CCDC171: variants seen among roughly 807,000 people sequenced by gnomAD.
CCDC171 encodes the protein coiled-coil domain containing 171.
CCDC171 carries 177 observed loss-of-function variants against 168.2 expected under a neutral mutation model. That is an observed-to-expected ratio of 1.05 (90% confidence interval 0.93 to 1.19). The LOEUF (loss-of-function observed/expected upper bound fraction) is 1.19, where lower values mean the gene tolerates loss of function less well. Ranked by LOEUF, CCDC171 falls within the 50% of genes most tolerant of loss-of-function variation. The pLI is 0.00. For missense variants in CCDC171, 1,991 were observed against 1,539.0 expected, an observed-to-expected ratio of 1.29 and a Z score of -4.91; for synonymous variants, 687 against 540.8, an observed-to-expected ratio of 1.27 and a Z score of -3.75.
intron 11 of CCDC171, among the ~76,000 whole-genome samples, chr9:15,711,837 A>C (rs182098375): frequency 1.3e-5 from 2 of 152,132 alleles, no homozygotes; most frequent in Admixed American, 1.3e-4. Context: ...TTCTTTTTCT[A>C]TCTGGTCACA....
At chr9:15,619,772 C>G (rs2044364830) in intron 6 of CCDC171, among the ~76,000 whole-genome samples, 1 of 152,124 alleles carries the variant, frequency 6.6e-6, no homozygotes, top group African/African-American at 2.4e-5. Flanking sequence ...TGTTTCAGAG[C>G]TAGAGAGGAG....
intron 23 of CCDC171, among the ~76,000 whole-genome samples, chr9:15,856,218 T>C (rs545498296): frequency 6.5e-4 from 99 of 152,080 alleles, no homozygotes; most frequent in African/African-American, 2.3e-3. Flanking sequence ...CTTAATGGAT[T>C]TTTCGTATGC....
intron 24 of CCDC171, among the ~76,000 whole-genome samples, chr9:15,910,664 T>C (rs967976103): frequency 3.3e-5 from 5 of 152,116 alleles, no homozygotes; most frequent in Non-Finnish European, 5.9e-5. Context: ...ATCACCTACA[T>C]TAGGTATTTC....
intron 3 of CCDC171, among the ~76,000 whole-genome samples, chr9:16,010,749 TA>T (rs78310900): frequency 2.7e-5 from 4 of 148,234 alleles, no homozygotes; most frequent in South Asian, 2.1e-4. Context: ...AACAGTTTAT[TA>T]AAAAAAAAAA....
chr9:16,060,117 G>A (rs1833908840), intron 1 of CCDC171, among the ~76,000 whole-genome samples: 2 of 152,180 alleles, frequency 1.3e-5, no homozygotes. Flanking sequence ...ATTTAATTGT[G>A]TATTAGTTTT....
chr9:15,651,873 A>C (rs1002125718), intron 7 of CCDC171, among the ~76,000 whole-genome samples: 2 of 152,096 alleles, frequency 1.3e-5, no homozygotes, highest in Non-Finnish European at 2.9e-5. Flanking sequence ...TGCTTTTGCT[A>C]TCTGAGAATC....
chr9:15,662,249 C>G (rs1441075092), intron 8 of CCDC171, among the ~76,000 whole-genome samples: 1 of 152,166 alleles, frequency 6.6e-6, no homozygotes, highest in Non-Finnish European at 1.5e-5. Context: ...TGCACTCCAG[C>G]CTGGGTGACA....
chr9:16,025,257 C>T (rs2133031301), intron 6 of CCDC171, among the ~76,000 whole-genome samples: 1 of 152,248 alleles, frequency 6.6e-6, no homozygotes, highest in East Asian at 1.9e-4. Flanking sequence ...GCCTGGCCAA[C>T]ATGGTAAAAT....
intron 6 of CCDC171, among the ~76,000 whole-genome samples, chr9:15,600,827 C>T (rs2042788033): frequency 6.6e-6 from 1 of 152,216 alleles, no homozygotes; most frequent in African/African-American, 2.4e-5. Flanking sequence ...ACTCAAGCCT[C>T]CACAATGGCG....
downstream of CCDC171, chr9:16,061,436 G>A (rs563022038): frequency 5.9e-5 from 9 of 152,226 alleles, no homozygotes; most frequent in East Asian, 1.7e-3. Flanking sequence ...TTCTAATAGT[G>A]TTGTGATTTT....
chr9:16,034,446 T>C (rs575280461), intron 6 of CCDC171, among the ~76,000 whole-genome samples: 2 of 152,304 alleles, frequency 1.3e-5, no homozygotes, highest in South Asian at 4.1e-4. Flanking sequence ...TACTTCATTG[T>C]GGGAAGGGAG....
downstream of CCDC171, among the ~76,000 whole-genome samples, chr9:15,976,398 T>C (rs1831620772): frequency 6.6e-6 from 1 of 152,146 alleles, no homozygotes; most frequent in African/African-American, 2.4e-5. Flanking sequence ...ACAGTGATTA[T>C]ATTGGGCCAG....
At chr9:15,929,768 G>A (rs1826290099) in intron 25 of CCDC171, among the ~76,000 whole-genome samples, 1 of 151,572 alleles carries the variant, frequency 6.6e-6, no homozygotes, top group Admixed American at 6.6e-5. Context: ...ACACAGATAT[G>A]GTCAGGTCAT....
chr9:15,668,140 T>G (rs554443480), intron 9 of CCDC171, among the ~76,000 whole-genome samples: 1 of 152,314 alleles, frequency 6.6e-6, no homozygotes, highest in African/African-American at 2.4e-5. Context: ...TAATTAAAGC[T>G]TTCTAGCAAT....
At chr9:15,717,004 A>C (rs2053132569) in intron 11 of CCDC171, among the ~76,000 whole-genome samples, 1 of 152,216 alleles carries the variant, frequency 6.6e-6, no homozygotes, top group Non-Finnish European at 1.5e-5. Flanking sequence ...GTAGGCAAAA[A>C]AAACCACCTT....
chr9:15,802,774 G>C (rs1269223403), intron 21 of CCDC171, among the ~76,000 whole-genome samples: 3 of 152,178 alleles, frequency 2.0e-5, no homozygotes, highest in Non-Finnish European at 2.9e-5. Context: ...TATGTACCCA[G>C]TAATGAGACT....
intron 21 of CCDC171, among the ~76,000 whole-genome samples, chr9:15,785,005 CTT>C: frequency 6.6e-6 from 1 of 152,032 alleles, no homozygotes; most frequent in East Asian, 1.9e-4. Context: ...TTCTTCCTCT[CTT>C]TAGAATTTTC....
the CCDC171 span, among the ~76,000 whole-genome samples, chr9:16,093,800 A>G: frequency 2.0e-5 from 3 of 152,186 alleles, no homozygotes; most frequent in Admixed American, 1.3e-4. Context: ...CTCAGCCTCT[A>G]GCAGTCGGCA....
intron 7 of CCDC171, among the ~76,000 whole-genome samples, chr9:15,629,382 A>G (rs532889409): frequency 6.6e-6 from 1 of 152,378 alleles, no homozygotes; most frequent in South Asian, 2.1e-4. Context: ...TGAAGAATGC[A>G]GAAGCCTCAG....
Sources: allele counts gnomAD v4.1 joint callset (sites outside exome capture counted in the v4.1 genomes callset), GRCh38; gene constraint gnomAD v4.1.1; transcripts MANE v1.5; gene names NCBI Gene and HGNC (gene_info 2026-07-23, HGNC 2026-07-21).